Variants in PITPNB observed in about 807,000 individuals in gnomAD.
The protein encoded by PITPNB is phosphatidylinositol transfer protein beta isoform.
In PITPNB, 16 loss-of-function variants were observed where a neutral mutation model predicts 45.9. That is an observed-to-expected ratio of 0.35 (90% CI 0.24 to 0.53). The LOEUF is 0.53. Ranked by LOEUF, PITPNB falls within the 20% of genes least tolerant of loss-of-function variation. PITPNB has a pLI of 0.93. For missense variants in PITPNB, 188 were observed against 330.5 expected (o/e 0.57, Z 3.34); for synonymous variants, 112 against 108.9 (o/e 1.03, Z -0.18).
At chr22:27,889,199 G>A (rs1935205650) in intron 7 of PITPNB, among the ~76,000 whole-genome samples, 1 of 152,126 alleles carries the variant, frequency 6.6e-6, no homozygotes, top group African/African-American at 2.4e-5. Context: ...GAAACTCTTA[G>A]GATTATGTGA....
intron 3 of PITPNB, among the ~76,000 whole-genome samples, chr22:27,909,382 A>C (rs1261607682): frequency 1.3e-5 from 2 of 151,862 alleles, no homozygotes; most frequent in East Asian, 3.9e-4. Context: ...TTTTGTTTTA[A>C]AATATTTATG....
chr22:27,888,674 T>C (rs751837622), intron 7 of PITPNB, among the ~76,000 whole-genome samples: 1 of 152,176 alleles, frequency 6.6e-6, no homozygotes, highest in Non-Finnish European at 1.5e-5. Flanking sequence ...CTTCTGAAAT[T>C]CAGCAGAGAG....
At chr22:27,855,007 GA>G in intron 10 of PITPNB, 68 bp from the exon 11 acceptor site, 2 of 1,068,438 alleles carry the variant, frequency 1.9e-6, no homozygotes, top group Non-Finnish European at 2.9e-6. Context: ...AGCAAGGGGA[GA>G]AAAAAGATCT....
intron 7 of PITPNB, among the ~76,000 whole-genome samples, chr22:27,893,739 T>C (rs1026536115): frequency 1.3e-5 from 2 of 151,928 alleles, no homozygotes; most frequent in African/African-American, 4.8e-5. Context: ...TACAGGCACA[T>C]GCCACCATGC....
At chr22:27,876,507 T>C (rs1391930723) in intron 7 of PITPNB, among the ~76,000 whole-genome samples, 22 of 152,196 alleles carry the variant, frequency 1.4e-4, no homozygotes, top group Non-Finnish European at 2.9e-5. Context: ...AATTTCTGTT[T>C]TACGTTAGTT....
In PITPNB at chr22:27,852,036, G is replaced by A. The variant is rs1300868745; in HGVS notation, c.*1666C>T. ...GAGAGTAAACATCAGTCTTTATCCT[G>A]AGTACACAAAGGATGTATGAAATGT... On this transcript the variant is annotated 3_prime_UTR_variant, in exon 12 of 12. Transcript: ENST00000335272. 1 of 152,194 alleles carries A rather than the reference G, an allele frequency of 6.6e-6. No homozygotes were observed. Among genetic ancestry groups the A allele is most frequent in the Non-Finnish European group, 1.5e-5 (1 of 68,046 alleles). The allele number at this position is 152,194 out of a possible 1,614,324, so 9.4% of individuals were successfully genotyped here.
In PITPNB at chr22:27,853,444, A is replaced by C. The variant is rs1275174799; in HGVS notation, c.*258T>G. The C allele has an allele frequency of 1.6e-6, 1 of 613,602 alleles. No homozygotes were observed. Among genetic ancestry groups the C allele is most frequent in the Non-Finnish European group, 2.9e-6 (1 of 340,132 alleles). 38.0% of individuals were successfully genotyped at this position (613,602 alleles called of 1,614,324 possible). On this transcript the variant is annotated 3_prime_UTR_variant, in exon 12 of 12. Transcript: ENST00000335272. ...TATGTCTGTATGTACATATATACAC[A>C]AGTGTGTGTATCTGGATCTGTAGCT...
chr22:27,880,218 T>C (rs942132876), intron 7 of PITPNB, among the ~76,000 whole-genome samples: 1 of 152,152 alleles, frequency 6.6e-6, no homozygotes, highest in Admixed American at 6.5e-5. Flanking sequence ...AAGCCAACCA[T>C]GATCCTTTAT....
At chr22:27,882,972 T>C (rs1042309268) in intron 7 of PITPNB, among the ~76,000 whole-genome samples, 1 of 152,226 alleles carries the variant, frequency 6.6e-6, no homozygotes, top group Non-Finnish European at 1.5e-5. Flanking sequence ...TGAGAAAATG[T>C]ATGAGTGGTG....
At chr22:27,860,264 G>A in intron 8 of PITPNB, 23 bp from the exon 9 acceptor site, 1 of 1,356,970 alleles carries the variant, frequency 7.4e-7, no homozygotes, top group Non-Finnish European at 1.0e-6. Context: ...AATTGAAAAG[G>A]AGAAATTATG....
intron 2 of PITPNB, among the ~76,000 whole-genome samples, chr22:27,913,615 C>T (rs1935997130): frequency 6.6e-6 from 1 of 152,180 alleles, no homozygotes; most frequent in South Asian, 2.1e-4. Context: ...TAAGCTCTTA[C>T]AGTTGTGTGC....
chr22:27,899,895 C>G (rs1935544309), intron 3 of PITPNB, among the ~76,000 whole-genome samples: 1 of 152,076 alleles, frequency 6.6e-6, no homozygotes, highest in Non-Finnish European at 1.5e-5. Flanking sequence ...AATGGTTCAG[C>G]TGGTCAACTT....
chr22:27,872,081 G>GGTT (rs1934677716), intron 8 of PITPNB, among the ~76,000 whole-genome samples: 1 of 64,366 alleles, frequency 1.6e-5, no homozygotes, highest in Non-Finnish European at 2.8e-5. Context: ...ATTAAGCCTG[G>GGTT]TTTTTTTTTT....
chr22:27,893,582 C>CTTTTTTTTT (rs745878388), intron 7 of PITPNB, among the ~76,000 whole-genome samples: 2 of 74,046 alleles, frequency 2.7e-5, no homozygotes, highest in African/African-American at 5.5e-5. Flanking sequence ...CATGTCTAGC[C>CTTTTTTTTT]TTTTTTTTTT....
At chr22:27,864,850 A>C (rs1934437709) in intron 8 of PITPNB, among the ~76,000 whole-genome samples, 1 of 152,000 alleles carries the variant, frequency 6.6e-6, no homozygotes, top group Admixed American at 6.6e-5. Flanking sequence ...AGGCATGAGA[A>C]TTGTTTGCAC....
chr22:27,903,777 CA>C (rs58453570), intron 3 of PITPNB, among the ~76,000 whole-genome samples: 22,740 of 84,242 alleles, frequency 0.27, 1,272 homozygotes, highest in Admixed American at 0.39. Flanking sequence ...CCCTGTCTCC[CA>C]AAAAAAAAAA....
intron 7 of PITPNB, among the ~76,000 whole-genome samples, chr22:27,874,358 G>A (rs189686650): frequency 2.0e-5 from 3 of 150,180 alleles, no homozygotes; most frequent in African/African-American, 5.0e-5. Flanking sequence ...ACCCTTGTTC[G>A]AGAGCCCTGG....
chr22:27,879,100 AGCCTG>A (rs1169355237), intron 7 of PITPNB, among the ~76,000 whole-genome samples: 2 of 151,936 alleles, frequency 1.3e-5, no homozygotes, highest in Non-Finnish European at 2.9e-5. Flanking sequence ...GGTGGGGGTG[AGCCTG>A]GCATGTGGGT....
chr22:27,896,106 T>C (rs990156788), intron 6 of PITPNB, among the ~76,000 whole-genome samples: 4 of 152,236 alleles, frequency 2.6e-5, no homozygotes, highest in African/African-American at 9.6e-5. Context: ...GTTATTCAAG[T>C]ACTTTATCCC....
Sources: gnomAD v4.1 joint callset for allele counts (sites outside exome capture counted in the v4.1 genomes callset) on GRCh38, gnomAD v4.1.1 for gene constraint, MANE v1.5 for transcripts, NCBI Gene and HGNC (gene_info 2026-07-23, HGNC 2026-07-21) for gene names.